DNAJB6: variants seen among roughly 807,000 people sequenced by gnomAD.
DNAJB6 encodes the protein dnaJ homolog subfamily B member 6.
A neutral mutation model predicts 42.7 loss-of-function variants in DNAJB6; 16 were observed. The observed-to-expected ratio is 0.37, with a 90% CI of 0.25 to 0.57. DNAJB6 has a LOEUF of 0.57. Among genes scored for constraint, DNAJB6 ranks in the 20% least tolerant of loss-of-function variants. The pLI is 0.74. For missense variants in DNAJB6, 347 were observed against 416.8 expected (o/e 0.83, Z 1.46); for synonymous variants, 170 against 163.5 (o/e 1.04, Z -0.30).
chr7:157,342,456 G>C (rs1421112863), intron 1 of DNAJB6, among the ~76,000 whole-genome samples: 3 of 144,624 alleles, frequency 2.1e-5, no homozygotes. Flanking sequence ...TCCTGCCTCA[G>C]CCTCCCGAGT....
Position 157,373,332 on chromosome 7 carries a change from C to T in DNAJB6, c.346+5849C>T, listed in dbSNP as rs144690608. The stretch of plus-strand genomic sequence containing the variant: ...TTTTGAAAGGTGAAAGGAGGAGGAA[C>T]CTTTAAAGTTAGACATGTGCCCTCA... On this transcript the variant is annotated intron_variant, in intron 5 of 9. Transcript: ENST00000262177. Among the ~76,000 whole-genome samples, 1,000 of 152,262 alleles carry T rather than the reference C, an allele frequency of 6.6e-3. 12 individuals are homozygous for T. Among genetic ancestry groups the T allele is most frequent in the African/African-American group, 0.022 (928 of 41,550 alleles).
chr7:157,409,712 G>C, intron 8 of DNAJB6, 83 bp from the exon 9 acceptor site: 1 of 1,400,136 alleles, frequency 7.1e-7, no homozygotes, highest in African/African-American at 1.5e-5. Context: ...GAGATCGTGC[G>C]GCCAGCTTCC....
intron 8 of DNAJB6, among the ~76,000 whole-genome samples, chr7:157,402,099 A>G (rs1303099679): frequency 2.6e-5 from 4 of 152,212 alleles, no homozygotes; most frequent in South Asian, 4.1e-4. Context: ...CGCACTCCGC[A>G]TTGATAACTG....
chr7:157,385,152 A>G lies in DNAJB6; in HGVS notation c.620+144A>G, dbSNP rs917525834. ...TGAAAATCTTTTGCTCTCCAAATTC[A>G]TTAATTAAAGCCTTTTCTCTTAAAT... is the stretch of plus-strand genomic sequence containing the variant. On this transcript the variant is annotated intron_variant, in intron 7 of 9. Transcript: ENST00000262177. 17 of 846,040 alleles carry G rather than the reference A, an allele frequency of 2.0e-5. No homozygotes were observed. In the African/African-American group the frequency reaches 2.8e-4, roughly 14 times the overall value. The allele number at this position is 846,040 out of a possible 1,614,324, so 52.4% of individuals were successfully genotyped here. A position where few individuals can be genotyped will look rare whatever the true frequency, so the allele number is the denominator to read the frequency against.
intron 2 of DNAJB6, 39 bp from the exon 3 acceptor site, chr7:157,363,122 G>A: frequency 7.1e-7 from 1 of 1,412,670 alleles, no homozygotes; most frequent in East Asian, 2.3e-5. Context: ...GTTGATTTCT[G>A]GATTTAGAAT....
chr7:157,386,142 T>C, intron 8 of DNAJB6: 1 of 941,216 alleles, frequency 1.1e-6, no homozygotes, highest in Non-Finnish European at 1.3e-6. Context: ...TTAAGGATGT[T>C]TTCTAGTTGT....
intron 2 of DNAJB6, among the ~76,000 whole-genome samples, chr7:157,361,016 C>T (rs1200347544): frequency 2.0e-5 from 3 of 152,162 alleles, no homozygotes; most frequent in Non-Finnish European, 2.9e-5. Context: ...CCTGCATTCT[C>T]ATCCATTGCC....
At chr7:157,402,697 C>T (rs563914279) in intron 8 of DNAJB6, among the ~76,000 whole-genome samples, 3 of 152,318 alleles carry the variant, frequency 2.0e-5, no homozygotes, top group South Asian at 4.1e-4. Flanking sequence ...CAGGGGCCTA[C>T]GGTGCATGGG....
intron 1 of DNAJB6, among the ~76,000 whole-genome samples, chr7:157,348,522 C>A (rs78867949): frequency 0.021 from 3,231 of 152,274 alleles, 46 homozygotes; most frequent in East Asian, 0.055. Flanking sequence ...TAAACAGTTT[C>A]CTAAATAGCT....
chr7:157,362,173 T>C (rs946530972), intron 2 of DNAJB6, among the ~76,000 whole-genome samples: 1 of 152,216 alleles, frequency 6.6e-6, no homozygotes, highest in African/African-American at 2.4e-5. Context: ...TTTAACTCTG[T>C]TTAGATCTTG....
intron 4 of DNAJB6, 39 bp downstream of exon 4, chr7:157,366,600 T>C (rs371334814): frequency 2.7e-5 from 42 of 1,583,372 alleles, no homozygotes; most frequent in Non-Finnish European, 3.6e-5. Context: ...CAAAAGGTCT[T>C]GGCAAGTAAG....
intron 8 of DNAJB6, among the ~76,000 whole-genome samples, chr7:157,386,544 T>C (rs893219547): frequency 2.6e-4 from 40 of 152,186 alleles, no homozygotes; most frequent in Admixed American, 5.9e-4. Flanking sequence ...GAAGAAACCA[T>C]TGTATAATTT....
intron 5 of DNAJB6, among the ~76,000 whole-genome samples, chr7:157,376,758 G>A (rs907205243): frequency 6.6e-6 from 1 of 152,184 alleles, no homozygotes; most frequent in Admixed American, 6.5e-5. Context: ...GCAGGCACCT[G>A]TAATCCCAGC....
In DNAJB6 at chr7:157,350,444, C is replaced by T. The variant is rs953091340; in HGVS notation, c.-26-8103C>T. Among the ~76,000 whole-genome samples the T allele has an allele frequency of 1.4e-4, 22 of 152,154 alleles. 1 individual carries two copies. The highest frequency in any genetic ancestry group is 4.3e-4 in the African/African-American group (18 of 41,442). On this transcript the variant is annotated intron_variant, in intron 1 of 9. Coordinates refer to ENST00000262177, the MANE Select transcript of DNAJB6 (RefSeq NM_058246.4). Reference sequence around the variant, plus strand: ...AGGGTGAAAATTCCTTGGAGACCCCCGCTCCCCAGCATAAGGAAGAATTCC... The same window carrying T: ...AGGGTGAAAATTCCTTGGAGACCCCTGCTCCCCAGCATAAGGAAGAATTCC...
At chr7:157,384,637 G>C (rs913915608) in intron 6 of DNAJB6, among the ~76,000 whole-genome samples, 1 of 152,228 alleles carries the variant, frequency 6.6e-6, no homozygotes. Flanking sequence ...GGGGAGGGGA[G>C]AGGCTGCACT....
intron 5 of DNAJB6, among the ~76,000 whole-genome samples, chr7:157,374,635 T>A (rs1299419498): frequency 1.3e-5 from 2 of 152,124 alleles, no homozygotes; most frequent in African/African-American, 4.8e-5. Flanking sequence ...TTTGTGCTGT[T>A]TTTCAGTACA....
intron 4 of DNAJB6, 35 bp from the exon 5 acceptor site, chr7:157,367,338 A>G (rs1799894420): frequency 1.4e-6 from 2 of 1,434,594 alleles, no homozygotes; most frequent in Non-Finnish European, 2.0e-6. Context: ...AAGCACCAAA[A>G]TTCATAAACT....
intron 2 of DNAJB6, 112 bp downstream of exon 2, chr7:157,358,749 C>A: frequency 1.3e-6 from 1 of 786,584 alleles, no homozygotes; most frequent in Non-Finnish European, 2.2e-6. Context: ...GTATACCAGT[C>A]TTTGAATGCC....
intron 5 of DNAJB6, among the ~76,000 whole-genome samples, chr7:157,377,928 A>G (rs1396254326): frequency 1.3e-5 from 2 of 152,330 alleles, no homozygotes; most frequent in Non-Finnish European, 2.9e-5. Context: ...CCAACAGTGC[A>G]CTAGCCCCTT....
Sources: allele counts gnomAD v4.1 joint callset (sites outside exome capture counted in the v4.1 genomes callset), GRCh38; gene constraint gnomAD v4.1.1; transcripts MANE v1.5; gene names NCBI Gene and HGNC (gene_info 2026-07-23, HGNC 2026-07-21).